The following PPM1L variants were observed in gnomAD, a reference collection of about 807,000 sequenced individuals.
PPM1L encodes protein phosphatase 1L.
Under a neutral mutation model 31.4 loss-of-function variants are expected in PPM1L, and 13 were observed. The ratio of observed to expected loss-of-function variants is 0.41; its 90% CI spans 0.27 to 0.66. PPM1L has a LOEUF of 0.66. Among genes scored for constraint, PPM1L ranks in the 30% least tolerant of loss-of-function variants. PPM1L has a pLI of 0.29. For synonymous variants in PPM1L, 184 were observed against 175.4 expected (o/e 1.05, Z -0.39); for missense variants, 326 against 453.7 (o/e 0.72, Z 2.56).
chr3:161,057,462 AACTT>A (rs1393156082), intron 2 of PPM1L, among the ~76,000 whole-genome samples: 4 of 152,088 alleles, frequency 2.6e-5, no homozygotes, highest in African/African-American at 9.7e-5. Context: ...TTTCATTGTC[AACTT>A]TATTGTTATA....
intron 1 of PPM1L, among the ~76,000 whole-genome samples, chr3:160,765,283 C>G (rs897465259): frequency 4.6e-5 from 7 of 152,172 alleles, no homozygotes; most frequent in Non-Finnish European, 7.3e-5. Context: ...GTCTCCAAAG[C>G]CTGTTCCATC....
At chr3:161,025,632 C>G (rs1718362018) in intron 2 of PPM1L, among the ~76,000 whole-genome samples, 1 of 151,160 alleles carries the variant, frequency 6.6e-6, no homozygotes, top group African/African-American at 2.4e-5. Context: ...GCCCTTCTAT[C>G]TTCTACCATG....
intron 2 of PPM1L, among the ~76,000 whole-genome samples, chr3:161,000,095 G>A (rs1717436287): frequency 6.6e-6 from 1 of 152,196 alleles, no homozygotes; most frequent in African/African-American, 2.4e-5. Context: ...AACAGGTGAT[G>A]GCATAAAGGC....
chr3:160,888,621 G>A (rs1034654932), intron 1 of PPM1L, among the ~76,000 whole-genome samples: 3 of 152,128 alleles, frequency 2.0e-5, no homozygotes, highest in African/African-American at 7.2e-5. Flanking sequence ...AGATCAATGA[G>A]ACAGAAAATT....
intron 1 of PPM1L, among the ~76,000 whole-genome samples, chr3:160,867,344 T>C (rs1329763991): frequency 6.6e-6 from 1 of 150,556 alleles, no homozygotes; most frequent in Non-Finnish European, 1.5e-5. Context: ...TTTTTTTTTT[T>C]GCATTAGAGA....
At chr3:160,870,485 G>A (rs1209884577) in intron 1 of PPM1L, 3 of 152,326 alleles carry the variant, frequency 2.0e-5, no homozygotes, top group African/African-American at 4.8e-5. Context: ...ATAATCGCTA[G>A]CAAATCCTTA....
chr3:161,038,588 A>T (rs942182377), intron 2 of PPM1L, among the ~76,000 whole-genome samples: 9 of 27,120 alleles, frequency 3.3e-4, no homozygotes, highest in East Asian at 0.031. Flanking sequence ...TTTGTTTTAA[A>T]AAAAAAAAAA....
chr3:161,038,876 T>C (rs1471575529), intron 2 of PPM1L, among the ~76,000 whole-genome samples: 1 of 152,000 alleles, frequency 6.6e-6, no homozygotes, highest in Non-Finnish European at 1.5e-5. Context: ...AGATAGGAAG[T>C]CAGCAAAAAA....
chr3:161,033,188 G>C (rs930617635), intron 2 of PPM1L, among the ~76,000 whole-genome samples: 2 of 152,080 alleles, frequency 1.3e-5, no homozygotes, highest in Non-Finnish European at 2.9e-5. Flanking sequence ...AACGAAATAA[G>C]AGAGGACACA....
chr3:160,843,445 T>TATAC (rs1231859099), intron 1 of PPM1L, among the ~76,000 whole-genome samples: 3 of 108,364 alleles, frequency 2.8e-5, no homozygotes, highest in African/African-American at 9.9e-5. Context: ...TATATATATA[T>TATAC]ATATATATAT....
chr3:160,776,785 G>T (rs886585560), intron 1 of PPM1L, among the ~76,000 whole-genome samples: 1 of 151,828 alleles, frequency 6.6e-6, no homozygotes, highest in Admixed American at 6.6e-5. Flanking sequence ...ATTTTTAGTA[G>T]AGACAGGGTT....
At chr3:160,972,501 C>T (rs1716384316) in intron 2 of PPM1L, among the ~76,000 whole-genome samples, 1 of 152,090 alleles carries the variant, frequency 6.6e-6, no homozygotes, top group Admixed American at 6.5e-5. Flanking sequence ...TTTCCAGCTT[C>T]ATCCATGTCC....
intron 1 of PPM1L, among the ~76,000 whole-genome samples, chr3:160,757,859 A>G (rs1292872294): frequency 6.6e-6 from 1 of 152,144 alleles, no homozygotes; most frequent in Non-Finnish European, 1.5e-5. Context: ...GGCTGTAGGG[A>G]ACTGCAGGGA....
intron 1 of PPM1L, among the ~76,000 whole-genome samples, chr3:160,940,694 G>A (rs1420604560): frequency 6.6e-6 from 1 of 152,240 alleles, no homozygotes; most frequent in Non-Finnish European, 1.5e-5. Flanking sequence ...GAAACTGCCT[G>A]GATGCCCAGG....
At chr3:160,931,745 G>A (rs188296420) in intron 1 of PPM1L, among the ~76,000 whole-genome samples, 2 of 152,304 alleles carry the variant, frequency 1.3e-5, no homozygotes, top group African/African-American at 4.8e-5. Flanking sequence ...CCTTAGGTTA[G>A]GATGTAGTAT....
At chr3:160,806,185 G>C (rs1375955135) in intron 1 of PPM1L, among the ~76,000 whole-genome samples, 1 of 152,138 alleles carries the variant, frequency 6.6e-6, no homozygotes, top group Admixed American at 6.5e-5. Context: ...GAGATCCAAG[G>C]TAGGGGCTGT....
intron 1 of PPM1L, among the ~76,000 whole-genome samples, chr3:160,770,182 T>G (rs775389717): frequency 7.2e-5 from 11 of 152,332 alleles, no homozygotes; most frequent in Non-Finnish European, 1.3e-4. Context: ...AGATATGCCA[T>G]TATATTGACT....
chr3:161,030,181 A>G (rs1294861396), intron 2 of PPM1L, among the ~76,000 whole-genome samples: 1 of 152,174 alleles, frequency 6.6e-6, no homozygotes, highest in East Asian at 1.9e-4. Context: ...CTTAGTCACA[A>G]AAGTTAGTAC....
intron 1 of PPM1L, among the ~76,000 whole-genome samples, chr3:160,763,761 G>T (rs912861140): frequency 3.9e-5 from 6 of 152,274 alleles, no homozygotes; most frequent in Non-Finnish European, 7.4e-5. Context: ...TAGAAGTATG[G>T]GGGGAGAGGG....
Sources: gnomAD v4.1 joint callset for allele counts (sites outside exome capture counted in the v4.1 genomes callset) on GRCh38, gnomAD v4.1.1 for gene constraint, MANE v1.5 for transcripts, NCBI Gene and HGNC (gene_info 2026-07-23, HGNC 2026-07-21) for gene names.